THSD7B: variants seen among roughly 807,000 people sequenced by gnomAD.
THSD7B encodes thrombospondin type 1 domain containing 7B.
A neutral mutation model predicts 213.6 loss-of-function variants in THSD7B; 138 were observed. That is an observed-to-expected ratio of 0.65 (90% CI 0.56 to 0.74). The LOEUF is 0.74. Ranked by LOEUF, THSD7B falls within the 30% of genes least tolerant of loss-of-function variation. THSD7B has a pLI of 0.00. For synonymous variants in THSD7B, 742 were observed against 687.0 expected (o/e 1.08, Z -1.25); for missense variants, 1,931 against 1,991.5 (o/e 0.97, Z 0.58).
intron 14 of THSD7B, among the ~76,000 whole-genome samples, chr2:137,423,706 T>C (rs1161715661): frequency 1.3e-5 from 2 of 152,110 alleles, no homozygotes; most frequent in Non-Finnish European, 2.9e-5. Context: ...ATTCTTAATA[T>C]TGTTAAGAAT....
chr2:137,398,476 G>C (rs975406334), intron 12 of THSD7B, among the ~76,000 whole-genome samples: 36 of 151,922 alleles, frequency 2.4e-4, no homozygotes, highest in Non-Finnish European at 1.5e-4. Flanking sequence ...TAGGCTGCTC[G>C]AGGGTCAGGG....
intron 12 of THSD7B, among the ~76,000 whole-genome samples, chr2:137,347,283 T>A (rs1684895426): frequency 6.6e-6 from 1 of 151,748 alleles, no homozygotes; most frequent in South Asian, 2.1e-4. Context: ...GCTAATGCTG[T>A]TATGCTACCA....
intron 14 of THSD7B, among the ~76,000 whole-genome samples, chr2:137,416,164 T>C (rs2105019367): frequency 6.6e-6 from 1 of 152,324 alleles, no homozygotes; most frequent in South Asian, 2.1e-4. Context: ...CTGCACATGC[T>C]GATGTTATGC....
At chr2:137,135,628 G>A (rs1043945233) in intron 5 of THSD7B, among the ~76,000 whole-genome samples, 4 of 152,058 alleles carry the variant, frequency 2.6e-5, no homozygotes, top group African/African-American at 7.2e-5. Flanking sequence ...CTCTATGTCT[G>A]TCACAAAATC....
At chr2:137,646,827 C>A (rs1485391322) in intron 21 of THSD7B, among the ~76,000 whole-genome samples, 1 of 151,996 alleles carries the variant, frequency 6.6e-6, no homozygotes, top group Non-Finnish European at 1.5e-5. Context: ...ATAAATAAAT[C>A]ATAATTCCTC....
In THSD7B at chr2:136,938,511, T is replaced by G. The variant is rs527621591; in HGVS notation, c.139+56194T>G. On this transcript the variant is annotated intron_variant, in intron 2 of 27. Transcript: ENST00000409968. ...TATAACATTCTTATTTATTTCCCTA[T>G]GTACTGTGTATATTTTTTCATTTGC... 2.6e-5 allele frequency among the ~76,000 whole-genome samples: 4 copies of G among 152,344 alleles called. No individual in the cohort carries two copies. The South Asian group carries it at 8.3e-4, about 32-fold the overall frequency.
intron 1 of THSD7B, among the ~76,000 whole-genome samples, chr2:136,859,583 T>C (rs1683228520): frequency 6.6e-6 from 1 of 151,938 alleles, no homozygotes; most frequent in South Asian, 2.1e-4. Flanking sequence ...CGAGTGGCAG[T>C]GATCAAATAA....
intron 7 of THSD7B, among the ~76,000 whole-genome samples, chr2:137,214,128 C>G (rs907451558): frequency 6.6e-6 from 1 of 152,068 alleles, no homozygotes; most frequent in African/African-American, 2.4e-5. Context: ...TAGATAATAA[C>G]TCGTTCATTT....
rs1433469172 is a variant in THSD7B at position 137,663,533 on chromosome 2, C to T, written c.4609C>T (p.His1537Tyr). The T allele has an allele frequency of 1.2e-6, 2 of 1,608,938 alleles. No individual in the cohort carries two copies. Among genetic ancestry groups the T allele is most frequent in the African/African-American group, 1.3e-5 (1 of 74,834 alleles). ...AAACAGACCTGTGAATTCAAAAATA[C>T]ATGATATTTTTAAAGGATGGTCTCT... Reference protein sequence around the residue: ...GKNRPVNSKIHDIFKGWSLQP... With the variant: ...GKNRPVNSKIYDIFKGWSLQP... The change falls in exon 26 of 28, where the codon CAT becomes TAT. Residue 1537 changes from histidine (H) to tyrosine (Y), a missense_variant. Coordinates refer to ENST00000409968, the MANE Select transcript of THSD7B (RefSeq NM_001316349.2).
chr2:137,523,862 T>C (rs1292413718), intron 15 of THSD7B, among the ~76,000 whole-genome samples: 1 of 152,188 alleles, frequency 6.6e-6, no homozygotes, highest in Admixed American at 6.5e-5. Context: ...TGATTCTAAA[T>C]GTGAAGCCAT....
intron 5 of THSD7B, among the ~76,000 whole-genome samples, chr2:137,142,535 C>T (rs1396660018): frequency 2.0e-5 from 3 of 152,034 alleles, no homozygotes; most frequent in Admixed American, 2.0e-4. Context: ...TACCTAAAAC[C>T]TTGTCTATTA....
chr2:137,458,921 G>A (rs903963035), intron 15 of THSD7B, among the ~76,000 whole-genome samples: 3 of 151,916 alleles, frequency 2.0e-5, no homozygotes, highest in African/African-American at 7.3e-5. Context: ...TCTAGTTTTA[G>A]CAGAATTCAT....
chr2:136,916,393 T>C (rs1014383817), intron 2 of THSD7B, among the ~76,000 whole-genome samples: 1 of 152,188 alleles, frequency 6.6e-6, no homozygotes, highest in African/African-American at 2.4e-5. Context: ...CTGGAGTGCC[T>C]GCCAGGCCAG....
intron 2 of THSD7B, among the ~76,000 whole-genome samples, chr2:136,977,801 G>GTTT (rs56053958): frequency 2.1e-4 from 22 of 105,968 alleles, no homozygotes; most frequent in African/African-American, 7.9e-4. Flanking sequence ...TCTTTTCTTT[G>GTTT]TTTTTTTTTT....
At chr2:136,954,584 C>T (rs1024153382) in intron 2 of THSD7B, among the ~76,000 whole-genome samples, 2 of 151,896 alleles carry the variant, frequency 1.3e-5, no homozygotes, top group Admixed American at 6.6e-5. Context: ...GGCGAGGTGG[C>T]GGGCGCCTGT....
chr2:137,364,055 G>A (rs1042513894), intron 12 of THSD7B, among the ~76,000 whole-genome samples: 15 of 152,126 alleles, frequency 9.9e-5, no homozygotes, highest in African/African-American at 3.4e-4. Context: ...TATCAATTTG[G>A]CTTCATCCCT....
At chr2:137,620,800 A>C (rs72844537) in intron 20 of THSD7B, 74 bp downstream of exon 20, 1 of 1,299,326 alleles carries the variant, frequency 7.7e-7, no homozygotes, top group East Asian at 2.3e-5. Flanking sequence ...TAGCTTGATA[A>C]ATGGCATAAG....
chr2:137,420,397 T>C (rs1686899194), intron 14 of THSD7B, among the ~76,000 whole-genome samples: 1 of 152,190 alleles, frequency 6.6e-6, no homozygotes, highest in South Asian at 2.1e-4. Context: ...GTATTAGAAA[T>C]GTCACCCTTT....
rs184152219 is a variant in THSD7B at position 137,339,058 on chromosome 2, G to A, written c.2500+63032G>A. 1.2e-3 allele frequency among the ~76,000 whole-genome samples: 190 copies of A among 152,094 alleles called. 1 individual carries two copies. Among genetic ancestry groups the A allele is most frequent in the African/African-American group, 4.5e-3 (187 of 41,508 alleles). ...CTTTTTTGATAACATAAAGAAGTAG[G>A]AGCCTAAATGTTCTCTTAGAAATTG... On this transcript the variant is annotated intron_variant, in intron 12 of 27. Transcript: ENST00000409968.
Sources: gnomAD v4.1 joint callset for allele counts (sites outside exome capture counted in the v4.1 genomes callset) on GRCh38, gnomAD v4.1.1 for gene constraint, MANE v1.5 for transcripts, NCBI Gene and HGNC (gene_info 2026-07-23, HGNC 2026-07-21) for gene names.